LAP3: variants seen among roughly 807,000 people sequenced by gnomAD.
LAP3 encodes leucine aminopeptidase 3.
Under a neutral mutation model 58.8 loss-of-function variants are expected in LAP3, and 46 were observed. That is an observed-to-expected ratio of 0.78 (90% CI 0.62 to 1.00). The LOEUF (loss-of-function observed/expected upper bound fraction) is 1.00. Ranked by LOEUF, LAP3 falls within the 50% of genes least tolerant of loss-of-function variation. The pLI is 0.00. For missense variants in LAP3, 615 were observed against 659.1 expected (o/e 0.93, Z 0.73); for synonymous variants, 257 against 237.7 (o/e 1.08, Z -0.75).
Position 17,577,594 on chromosome 4 carries a change from C to A in LAP3, c.102+27C>A, listed in dbSNP as rs756306506. On this transcript the variant is annotated intron_variant, in intron 1 of 12. Coordinates refer to ENST00000226299, the MANE Select transcript of LAP3 (RefSeq NM_015907.3). ...TGAGAGGCGGCGGCTCGCTCATGGT[C>A]CGCCGCTGGGGCCCTGCCCGTGGGC... 16 of 1,509,892 alleles carry A rather than the reference C, an allele frequency of 1.1e-5. 1 individual carries two copies. In the Admixed American group the frequency reaches 1.2e-4, roughly 12 times the overall value. The allele number at this position is 1,509,892 out of a possible 1,614,324, so 93.5% of individuals were successfully genotyped here.
intron 7 of LAP3, 86 bp downstream of exon 7, chr4:17,589,063 A>ATT (rs35467396): frequency 3.8e-4 from 415 of 1,078,386 alleles, no homozygotes; most frequent in South Asian, 1.4e-3. Flanking sequence ...TTTTGGTTTG[A>ATT]TTTTTTTTTT....
In LAP3 at chr4:17,598,775, C is replaced by T. The variant is rs141203445; in HGVS notation, c.1180+217C>T. 1.3e-3 allele frequency among the ~76,000 whole-genome samples: 196 copies of T among 150,882 alleles called. 1 individual carries two copies. The East Asian group carries it at 0.031, about 24-fold the overall frequency. On this transcript the variant is annotated intron_variant, in intron 10 of 12. Transcript: ENST00000226299. ...TCCAAGCTGTACTTTTTTTTTGAGA[C>T]GGAGTGTCACTCTGTCATCCAGGCT... is the stretch of plus-strand genomic sequence containing the variant.
chr4:17,593,609 G>GTTTCTTTT (rs1713753184), intron 7 of LAP3, among the ~76,000 whole-genome samples: 1 of 87,608 alleles, frequency 1.1e-5, no homozygotes, highest in Non-Finnish European at 2.0e-5. Flanking sequence ...ATCTGCTTGG[G>GTTTCTTTT]TTTTTTTTTT....
chr4:17,588,528 T>C (rs903757346), intron 6 of LAP3, among the ~76,000 whole-genome samples: 1 of 152,172 alleles, frequency 6.6e-6, no homozygotes, highest in Non-Finnish European at 1.5e-5. Flanking sequence ...CTGTAGACTA[T>C]TAGTTGACAT....
chr4:17,591,266 G>A (rs138160181), intron 7 of LAP3, among the ~76,000 whole-genome samples: 28 of 151,860 alleles, frequency 1.8e-4, no homozygotes, highest in East Asian at 1.7e-3. Flanking sequence ...TTTTAGTCCC[G>A]AGTAGCTGGG....
chr4:17,590,917 G>A (rs1713670246), intron 7 of LAP3, among the ~76,000 whole-genome samples: 2 of 131,498 alleles, frequency 1.5e-5, no homozygotes, highest in South Asian at 2.5e-4. Context: ...AATTTAGAAA[G>A]TTAAACTTTT....
intron 7 of LAP3, 73 bp from the exon 8 acceptor site, chr4:17,595,337 T>G: frequency 6.4e-7 from 1 of 1,565,508 alleles, no homozygotes; most frequent in Non-Finnish European, 8.7e-7. Context: ...CGTGCCCATC[T>G]GTACTTTTTA....
At chr4:17,578,243 G>A (rs1046385232) in intron 1 of LAP3, among the ~76,000 whole-genome samples, 29 of 152,152 alleles carry the variant, frequency 1.9e-4, no homozygotes, top group Non-Finnish European at 7.4e-5. Flanking sequence ...AACGTTCTAG[G>A]GGGAGCTTGA....
Position 17,583,643 on chromosome 4 carries a change from G to C in LAP3, c.539+1G>C. The C allele has an allele frequency of 6.2e-7, 1 of 1,611,920 alleles. No homozygotes were observed. Among genetic ancestry groups the C allele is most frequent in the Non-Finnish European group, 8.5e-7 (1 of 1,180,002 alleles). ...CTGTGTCGGCAAAGCTCTATGGAAGGTGATGGAAGCAAATTAGGAGGAGGG... is the reference window on the plus strand; with the variant it reads ...CTGTGTCGGCAAAGCTCTATGGAAGCTGATGGAAGCAAATTAGGAGGAGGG... On this transcript the variant is annotated splice_donor_variant, in intron 5 of 12. Transcript: ENST00000226299. LOFTEE classifies it high-confidence loss of function.
chr4:17,604,640 A>T lies in LAP3; in HGVS notation c.1233A>T (p.Ser411=), dbSNP rs767799387. Residue 411 remains serine, a synonymous_variant, in exon 11 of 13, where the codon TCA becomes TCT. Transcript: ENST00000226299. ...GSGATGVFTN[S]SWLWNKLFEA... is the part of the protein sequence containing the mutation. The stretch of plus-strand genomic sequence containing the variant: ...GTGCCACTGGGGTCTTTACCAATTC[A>T]TCCTGGCTCTGGAACAAACTCTTCG... 45 of 1,613,562 alleles carry T rather than the reference A, an allele frequency of 2.8e-5. No individual in the cohort carries two copies. In the East Asian group the frequency reaches 9.6e-4, roughly 34 times the overall value.
In LAP3 at chr4:17,577,475, C is replaced by T. The variant is rs867134570; in HGVS notation, c.10C>T (p.Leu4=). 1.8e-5 allele frequency: 28 copies of T among 1,578,054 alleles called. No individual in the cohort carries two copies. The highest frequency in any genetic ancestry group is 2.2e-5 in the Non-Finnish European group (26 of 1,163,818). Residue 4 remains leucine, a synonymous_variant, in exon 1 of 13, where the codon CTG becomes TTG. Transcript: ENST00000226299. MFL[L]PLPAAGRVVV... is the part of the protein sequence containing the mutation. ...GGGCCGAGCCGACAAGATGTTCTTG[C>T]TGCCTCTTCCGGCTGCGGGGCGAGT...
In LAP3 at chr4:17,585,005, G is replaced by C; in HGVS notation, c.573G>C (p.Leu191=). Residue 191 remains leucine (L), a synonymous_variant, in exon 6 of 13, where the codon CTG becomes CTC. Coordinates refer to ENST00000226299, the MANE Select transcript of LAP3 (RefSeq NM_015907.3). ...GDQEAWQKGV[L]FASGQNLARQ... ...AGGAGGCCTGGCAGAAAGGAGTCCT[G>C]TTTGCTTCTGGGCAGAACTTGGCAC... The C allele has an allele frequency of 6.2e-7, 1 of 1,614,106 alleles. No homozygotes were observed. The highest frequency in any genetic ancestry group is 8.5e-7 in the Non-Finnish European group (1 of 1,180,000).
rs1201710619 is a variant in LAP3 at position 17,585,075 on chromosome 4, T to A, written c.643T>A (p.Phe215Ile). 3.7e-6 allele frequency: 6 copies of A among 1,613,926 alleles called. No individual in the cohort carries two copies. The African/African-American group carries it at 8.0e-5, about 22-fold the overall frequency. ...TPANEMTPTR[F>I]AEIIEKNLKS... is the part of the protein sequence containing the mutation. ...AGCCAATGAGATGACGCCAACCAGA[T>A]TTGCTGAAATTATTGAGAAGAATCT... Residue 215 changes from phenylalanine (F) to isoleucine (I), a missense_variant, in exon 6 of 13, where the codon TTT becomes ATT. Transcript: ENST00000226299.
intron 7 of LAP3, among the ~76,000 whole-genome samples, chr4:17,590,142 T>C (rs1244956160): frequency 6.6e-6 from 1 of 152,180 alleles, no homozygotes; most frequent in Non-Finnish European, 1.5e-5. Flanking sequence ...TTCATTTTTG[T>C]TTTATTTGCT....
chr4:17,594,349 A>G (rs930187374), intron 7 of LAP3, among the ~76,000 whole-genome samples: 10 of 152,190 alleles, frequency 6.6e-5, no homozygotes, highest in African/African-American at 2.4e-4. Context: ...ATCATCTTTA[A>G]TTCTTGGTGA....
At chr4:17,580,056 G>A in intron 2 of LAP3, 117 bp downstream of exon 2, 1 of 576,188 alleles carries the variant, frequency 1.7e-6, no homozygotes, top group South Asian at 2.4e-5. Flanking sequence ...GGAGTGCAGT[G>A]GCACGATCTT....
Position 17,577,549 on chromosome 4 carries a change from C to T in LAP3, c.84C>T (p.Ser28=). 2 of 1,566,084 alleles carry T rather than the reference C, an allele frequency of 1.3e-6. No homozygotes were observed. Among genetic ancestry groups the T allele is most frequent in the Non-Finnish European group, 1.7e-6 (2 of 1,156,858 alleles). Residue 28 remains serine, a synonymous_variant, in exon 1 of 13, where the codon TCC becomes TCT. Transcript: ENST00000226299. ...GACGTTTCGGGAGCCGGAGTCTCTCCACCGCAGACATGACGAAGGTGAGAG... is the reference window on the plus strand; with the variant it reads ...GACGTTTCGGGAGCCGGAGTCTCTCTACCGCAGACATGACGAAGGTGAGAG... The part of the protein sequence containing the change: ...AVRRFGSRSL[S]TADMTKGLVL...
chr4:17,600,134 A>C (rs953055733), intron 10 of LAP3, among the ~76,000 whole-genome samples: 9 of 152,114 alleles, frequency 5.9e-5, no homozygotes, highest in African/African-American at 2.2e-4. Flanking sequence ...CCCCTTTTTA[A>C]AAAAAATTAA....
At chr4:17,604,913 C>CA (rs974544111) in intron 11 of LAP3, among the ~76,000 whole-genome samples, 3 of 152,118 alleles carry the variant, frequency 2.0e-5, no homozygotes, top group African/African-American at 7.2e-5. Context: ...GAAAATATCT[C>CA]ACGAACACTG....
Sources: gnomAD v4.1 joint callset for allele counts (sites outside exome capture counted in the v4.1 genomes callset) on GRCh38, gnomAD v4.1.1 for gene constraint, MANE v1.5 for transcripts, NCBI Gene and HGNC (gene_info 2026-07-23, HGNC 2026-07-21) for gene names.